The following ORC3 variants were observed in gnomAD, a reference collection of about 807,000 sequenced individuals.
The protein encoded by ORC3 is homolog of latheo, Drosophila.
ORC3 carries 78 observed loss-of-function variants against 100.7 expected under a neutral mutation model. That is an observed-to-expected ratio of 0.77 (90% confidence interval 0.65 to 0.94). The LOEUF (loss-of-function observed/expected upper bound fraction) is 0.94. Among genes scored for constraint, ORC3 ranks in the 40% least tolerant of loss-of-function variants. ORC3 has a pLI of 0.00. For synonymous variants in ORC3, 295 were observed against 289.3 expected (o/e 1.02, Z -0.20); for missense variants, 789 against 823.9 (o/e 0.96, Z 0.52).
chr6:87,645,861 A>G (rs1768725672), intron 13 of ORC3, among the ~76,000 whole-genome samples: 1 of 152,194 alleles, frequency 6.6e-6, no homozygotes, highest in Non-Finnish European at 1.5e-5. Flanking sequence ...GACAATCTAT[A>G]AAGCCTTTAT....
intron 13 of ORC3, among the ~76,000 whole-genome samples, chr6:87,649,712 C>T (rs955018009): frequency 6.6e-6 from 1 of 152,176 alleles, no homozygotes; most frequent in Non-Finnish European, 1.5e-5. Context: ...CACCATTGCA[C>T]TCCAGCCTGG....
At chr6:87,630,393 C>G (rs1347261662) in intron 11 of ORC3, among the ~76,000 whole-genome samples, 1 of 152,132 alleles carries the variant, frequency 6.6e-6, no homozygotes, top group East Asian at 1.9e-4. Context: ...AGAGCAAGAT[C>G]CTGTCTCAAA....
rs1779565058 is a variant in ORC3 at position 87,621,957 on chromosome 6, G to A, written c.1129G>A (p.Glu377Lys). 1 of 1,604,608 alleles carries A rather than the reference G, an allele frequency of 6.2e-7. No homozygotes were observed. The highest frequency in any genetic ancestry group is 8.5e-7 in the Non-Finnish European group (1 of 1,173,564). The change falls in exon 11 of 20, where the codon GAA becomes AAA. Residue 377 changes from glutamate (E) to lysine (K), a missense_variant. Physicochemically the swap from Glu to Lys is moderately conservative, Grantham distance 56. Coordinates refer to ENST00000392844, the MANE Select transcript of ORC3 (RefSeq NM_012381.4). ...RRLPSFRRYVEKQASEKQVAL... is the reference protein window; with the variant it reads ...RRLPSFRRYVKKQASEKQVAL... Reference sequence around the variant, plus strand: ...GAATGGTGAAAATTCTAGGTACGTGGAAAAGCAAGCTTCAGAAAAGCAAGT... The same window carrying A: ...GAATGGTGAAAATTCTAGGTACGTGAAAAAGCAAGCTTCAGAAAAGCAAGT...
chr6:87,672,745 G>A, the ORC3 span, among the ~76,000 whole-genome samples: 4 of 152,122 alleles, frequency 2.6e-5, no homozygotes, highest in African/African-American at 9.7e-5. Flanking sequence ...ATTTTCTTTA[G>A]GGTCGTGTCA....
chr6:87,616,548 A>G (rs762945192), intron 9 of ORC3, 121 bp downstream of exon 9: 1 of 510,988 alleles, frequency 2.0e-6, no homozygotes, highest in Non-Finnish European at 3.6e-6. Context: ...AGTAAATTCC[A>G]GTTATTTTAT....
At chr6:87,664,635 A>T in intron 17 of ORC3, 108 bp from the exon 18 acceptor site, 1 of 810,590 alleles carries the variant, frequency 1.2e-6, no homozygotes, top group Non-Finnish European at 2.0e-6. Context: ...GGAAACCAAG[A>T]TTCCATTTAC....
At chr6:87,672,379 T>C (rs531901076), downstream of ORC3, among the ~76,000 whole-genome samples, 1 of 152,220 alleles carries the variant, frequency 6.6e-6, no homozygotes, top group East Asian at 1.9e-4. Flanking sequence ...AGAAAGAAAA[T>C]AGATGCAGTA....
At chr6:87,592,067 C>T (rs986756739) in intron 1 of ORC3, among the ~76,000 whole-genome samples, 3 of 152,100 alleles carry the variant, frequency 2.0e-5, no homozygotes, top group African/African-American at 2.4e-5. Context: ...TCTCTTTCAT[C>T]GTGAAATTTT....
downstream of ORC3, among the ~76,000 whole-genome samples, chr6:87,669,025 C>G (rs1357883969): frequency 1.3e-5 from 2 of 151,884 alleles, no homozygotes; most frequent in East Asian, 3.9e-4. Context: ...GGCGTGGTGG[C>G]ACACGCCTGT....
chr6:87,669,022 T>C (rs1236599012), downstream of ORC3, among the ~76,000 whole-genome samples: 1 of 152,088 alleles, frequency 6.6e-6, no homozygotes, highest in Non-Finnish European at 1.5e-5. Context: ...CTGGGCGTGG[T>C]GGCACACGCC....
intron 4 of ORC3, among the ~76,000 whole-genome samples, chr6:87,605,008 A>G (rs1241774105): frequency 3.3e-5 from 5 of 152,164 alleles, no homozygotes; most frequent in Non-Finnish European, 5.9e-5. Flanking sequence ...GAAATCACAG[A>G]TGGTTATGTT....
rs1284092967 is a variant in ORC3, at chr6:87,609,127, G to A, written c.611G>A (p.Arg204Lys). ...KTDPKMLSKK[R>K]TTSSQWQSPP... ...GACCCAAAAATGCTAAGCAAAAAAA[G>A]GACTACTTCTAGCCAATGGCAGTCT... The change falls in exon 7 of 20, where the codon AGG (arginine) becomes AAG (lysine). Residue 204 changes from arginine (R) to lysine (K), a missense_variant. Coordinates refer to ENST00000392844, the MANE Select transcript of ORC3 (RefSeq NM_012381.4). 4 of 1,603,758 alleles carry A rather than the reference G, an allele frequency of 2.5e-6. No homozygotes were observed. The highest frequency in any genetic ancestry group is 8.5e-7 in the Non-Finnish European group (1 of 1,177,634).
chr6:87,643,753 ACT>A (rs907339396), intron 13 of ORC3, among the ~76,000 whole-genome samples: 8 of 152,152 alleles, frequency 5.3e-5, no homozygotes, highest in Non-Finnish European at 7.3e-5. Context: ...TTTCTTGTGA[ACT>A]CAGGGTTATA....
At chr6:87,606,441 A>G (rs900977600) in intron 5 of ORC3, among the ~76,000 whole-genome samples, 2 of 152,136 alleles carry the variant, frequency 1.3e-5, no homozygotes, top group African/African-American at 4.8e-5. Flanking sequence ...AAAAGCCACC[A>G]TGGTGAAAAA....
intron 7 of ORC3, among the ~76,000 whole-genome samples, chr6:87,611,800 A>G (rs1371096704): frequency 1.3e-5 from 2 of 152,142 alleles, no homozygotes; most frequent in South Asian, 2.1e-4. Flanking sequence ...AAAAGAAAAA[A>G]GATGGTATAA....
intron 12 of ORC3, among the ~76,000 whole-genome samples, chr6:87,636,118 GA>G (rs1336434542): frequency 6.6e-6 from 1 of 151,758 alleles, no homozygotes; most frequent in Non-Finnish European, 1.5e-5. Flanking sequence ...ATTTTTATTA[GA>G]GACGGGGTTT....
Position 87,664,796 on chromosome 6 carries a change from C to T in ORC3, c.1887C>T (p.Ile629=), listed in dbSNP as rs749992973. The change falls in exon 18 of 20, where the codon ATC becomes ATT. Residue 629 remains isoleucine (I), a synonymous_variant. Coordinates refer to ENST00000392844, the MANE Select transcript of ORC3 (RefSeq NM_012381.4). Reference sequence around the variant, plus strand: ...GCATTCCGAATATCGCCCCAGACATCTGCATAGCATACAAACTGCACCTAG... The same window carrying T: ...GCATTCCGAATATCGCCCCAGACATTTGCATAGCATACAAACTGCACCTAG... ...EGCIPNIAPD[I]CIAYKLHLEC... is the part of the protein sequence containing the mutation. 7 of 1,614,152 alleles carry T rather than the reference C, an allele frequency of 4.3e-6. No individual in the cohort carries two copies. The highest frequency in any genetic ancestry group is 5.9e-6 in the Non-Finnish European group (7 of 1,179,998).
chr6:87,643,592 A>G (rs1768456482), intron 13 of ORC3, among the ~76,000 whole-genome samples: 5 of 152,202 alleles, frequency 3.3e-5, no homozygotes, highest in Admixed American at 3.3e-4. Flanking sequence ...AGTAAACAGA[A>G]AAAAAGATCT....
chr6:87,603,174 C>G (rs1778092853), intron 3 of ORC3, among the ~76,000 whole-genome samples: 1 of 151,232 alleles, frequency 6.6e-6, no homozygotes, highest in Non-Finnish European at 1.5e-5. Context: ...AAGATGAGGT[C>G]TCACTATGCC....
Sources: gnomAD v4.1 joint callset for allele counts (sites outside exome capture counted in the v4.1 genomes callset) on GRCh38, gnomAD v4.1.1 for gene constraint, MANE v1.5 for transcripts, NCBI Gene and HGNC (gene_info 2026-07-23, HGNC 2026-07-21) for gene names.